LRRC4C: variants seen among roughly 807,000 people sequenced by gnomAD.
The protein encoded by LRRC4C is leucine rich repeat containing 4C.
A neutral mutation model predicts 33.6 loss-of-function variants in LRRC4C; 5 were observed. The observed-to-expected ratio is 0.15, with a 90% CI of 0.08 to 0.31. The LOEUF (loss-of-function observed/expected upper bound fraction) is 0.31. LRRC4C is among the 10% of genes least tolerant of loss of function. The pLI is 1.00. For missense variants in LRRC4C, 560 were observed against 796.7 expected (o/e 0.70, Z 3.58); for synonymous variants, 329 against 302.0 (o/e 1.09, Z -0.93).
chr11:40,437,283 T>C (rs1177380457), intron 3 of LRRC4C, among the ~76,000 whole-genome samples: 1 of 152,214 alleles, frequency 6.6e-6, no homozygotes. Context: ...TGCACTACTC[T>C]GTCCCAACTC....
At chr11:41,028,667 A>G (rs1856536415) in intron 1 of LRRC4C, among the ~76,000 whole-genome samples, 1 of 151,602 alleles carries the variant, frequency 6.6e-6, no homozygotes, top group Non-Finnish European at 1.5e-5. Context: ...AGCCTTGAAG[A>G]GGGCCTCAAT....
At chr11:41,177,803 A>G (rs1945271333) in intron 1 of LRRC4C, among the ~76,000 whole-genome samples, 1 of 152,180 alleles carries the variant, frequency 6.6e-6, no homozygotes. Flanking sequence ...AGGCAATCAC[A>G]TCGCCCACTA....
At chr11:40,530,088 C>T (rs1956213564) in intron 3 of LRRC4C, among the ~76,000 whole-genome samples, 1 of 152,006 alleles carries the variant, frequency 6.6e-6, no homozygotes, top group Non-Finnish European at 1.5e-5. Context: ...CAATTCAAGA[C>T]TGTGGAATTT....
At chr11:41,363,996 G>T (rs1358352653) in intron 1 of LRRC4C, among the ~76,000 whole-genome samples, 1 of 152,032 alleles carries the variant, frequency 6.6e-6, no homozygotes, top group Non-Finnish European at 1.5e-5. Flanking sequence ...AGCATATACA[G>T]GTACTTCCAC....
At chr11:40,822,585 A>G (rs963266776) in intron 2 of LRRC4C, among the ~76,000 whole-genome samples, 3 of 151,674 alleles carry the variant, frequency 2.0e-5, no homozygotes, top group African/African-American at 7.3e-5. Context: ...ATTCCGTGTC[A>G]GTTGGAAAGT....
chr11:40,733,377 A>G (rs1001178558), intron 2 of LRRC4C, among the ~76,000 whole-genome samples: 6 of 151,900 alleles, frequency 3.9e-5, no homozygotes, highest in African/African-American at 1.2e-4. Context: ...GCCCGCCTGA[A>G]TATAGATTAT....
chr11:40,932,346 C>T (rs1258105892), intron 2 of LRRC4C, among the ~76,000 whole-genome samples: 3 of 151,994 alleles, frequency 2.0e-5, no homozygotes, highest in Non-Finnish European at 2.9e-5. Flanking sequence ...ATGGAATTTA[C>T]CATGCATTGG....
chr11:40,615,301 C>A (rs1415730342), intron 3 of LRRC4C, among the ~76,000 whole-genome samples: 1 of 144,534 alleles, frequency 6.9e-6, no homozygotes, highest in Admixed American at 7.0e-5. Flanking sequence ...CACATAAACT[C>A]TCAGTAGATC....
intron 1 of LRRC4C, among the ~76,000 whole-genome samples, chr11:41,453,431 C>T (rs1290703433): frequency 6.6e-6 from 1 of 152,070 alleles, no homozygotes; most frequent in Non-Finnish European, 1.5e-5. Flanking sequence ...ATAGAGTCGG[C>T]CCTATTATGG....
chr11:41,440,490 T>TA (rs1182425500), intron 1 of LRRC4C, among the ~76,000 whole-genome samples: 10 of 152,092 alleles, frequency 6.6e-5, no homozygotes, highest in South Asian at 2.1e-4. Context: ...TAAGCTTTTT[T>TA]AAAAAAAGCA....
At chr11:40,510,841 G>C (rs973518963) in intron 3 of LRRC4C, among the ~76,000 whole-genome samples, 1 of 152,076 alleles carries the variant, frequency 6.6e-6, no homozygotes, top group African/African-American at 2.4e-5. Flanking sequence ...AACTCAAGAT[G>C]ACCCTTGTGA....
chr11:40,286,138 A>T (rs1403309750), intron 4 of LRRC4C, among the ~76,000 whole-genome samples: 2 of 152,126 alleles, frequency 1.3e-5, no homozygotes, highest in African/African-American at 4.8e-5. Context: ...ATAGTACCAA[A>T]CCCTACATAA....
intron 3 of LRRC4C, among the ~76,000 whole-genome samples, chr11:40,458,578 A>G (rs74351653): frequency 0.041 from 6,214 of 152,204 alleles, 410 homozygotes; most frequent in African/African-American, 0.14. Flanking sequence ...TTCTCTGTTC[A>G]GTTTCTCCTA....
chr11:41,238,624 C>T (rs1354648131), intron 1 of LRRC4C, among the ~76,000 whole-genome samples: 1 of 152,114 alleles, frequency 6.6e-6, no homozygotes, highest in Admixed American at 6.5e-5. Flanking sequence ...AAATTAAGAA[C>T]CATTAACTTA....
At chr11:40,700,556 T>C (rs1459861109) in intron 2 of LRRC4C, among the ~76,000 whole-genome samples, 1 of 152,126 alleles carries the variant, frequency 6.6e-6, no homozygotes, top group Non-Finnish European at 1.5e-5. Flanking sequence ...TTGTCCTACT[T>C]TAGGAGGAAT....
intron 1 of LRRC4C, among the ~76,000 whole-genome samples, chr11:41,446,220 C>A (rs900778511): frequency 6.6e-6 from 1 of 152,226 alleles, no homozygotes; most frequent in Admixed American, 6.5e-5. Flanking sequence ...CAGATCTATT[C>A]CTGCCCCAGC....
intron 1 of LRRC4C, among the ~76,000 whole-genome samples, chr11:40,984,791 T>C (rs911734791): frequency 1.3e-5 from 2 of 150,424 alleles, no homozygotes; most frequent in African/African-American, 4.9e-5. Flanking sequence ...CACCCACTAC[T>C]CACTGATCCT....
At chr11:40,862,971 T>C (rs1301039112) in intron 2 of LRRC4C, among the ~76,000 whole-genome samples, 2 of 152,194 alleles carry the variant, frequency 1.3e-5, no homozygotes, top group Non-Finnish European at 2.9e-5. Context: ...TATTCATGCT[T>C]TGAGGTTCTC....
rs1267048893 is a variant in LRRC4C at position 41,017,440 on chromosome 11, T to C, written c.-495-83717A>G. 2.6e-5 allele frequency among the ~76,000 whole-genome samples: 4 copies of C among 152,306 alleles called. No individual in the cohort carries two copies. The East Asian group carries it at 5.8e-4, about 22-fold the overall frequency. On this transcript the variant is annotated intron_variant, in intron 1 of 6. Coordinates refer to ENST00000528697, the MANE Select transcript of LRRC4C (RefSeq NM_001258419.2). ...TGCAATGCTGAGAAACTTCACACTT[T>C]GTTATCTTACATACTACTGACCACG...
Sources: gnomAD v4.1 joint callset for allele counts (sites outside exome capture counted in the v4.1 genomes callset) on GRCh38, gnomAD v4.1.1 for gene constraint, MANE v1.5 for transcripts, NCBI Gene and HGNC (gene_info 2026-07-23, HGNC 2026-07-21) for gene names.